The following FMNL2 variants were observed in gnomAD, a reference collection of about 807,000 sequenced individuals.
FMNL2 encodes formin-like protein 2.
FMNL2 carries 51 observed loss-of-function variants against 130.2 expected under a neutral mutation model. The ratio of observed to expected loss-of-function variants is 0.39; its 90% CI spans 0.31 to 0.49. FMNL2 has a LOEUF of 0.49. Among genes scored for constraint, FMNL2 ranks in the 20% least tolerant of loss-of-function variants. FMNL2 has a pLI of 0.85. For missense variants in FMNL2, 977 were observed against 1,316.2 expected (o/e 0.74, Z 3.99); for synonymous variants, 465 against 467.1 (o/e 1.00, Z 0.06).
intron 17 of FMNL2, 45 bp from the exon 18 acceptor site, chr2:152,628,253 AG>A: frequency 6.6e-7 from 1 of 1,505,096 alleles, no homozygotes; most frequent in African/African-American, 1.4e-5. Flanking sequence ...AAAAGGGGGT[AG>A]GAGGTTTTTC....
At chr2:152,636,956 C>T (rs1428089964) in intron 22 of FMNL2, among the ~76,000 whole-genome samples, 1 of 152,106 alleles carries the variant, frequency 6.6e-6, no homozygotes, top group Non-Finnish European at 1.5e-5. Context: ...GAAAATCTTA[C>T]ACTATACTGG....
At chr2:152,598,369 C>T (rs1697874233) in intron 9 of FMNL2, among the ~76,000 whole-genome samples, 1 of 152,142 alleles carries the variant, frequency 6.6e-6, no homozygotes, top group Non-Finnish European at 1.5e-5. Flanking sequence ...AGGCCTTTGT[C>T]ATGTAATCCT....
intron 1 of FMNL2, among the ~76,000 whole-genome samples, chr2:152,512,408 C>G (rs980040216): frequency 4.6e-5 from 7 of 152,160 alleles, no homozygotes; most frequent in Admixed American, 1.3e-4. Context: ...GATGTTGAAT[C>G]ACTAAGCCAA....
At chr2:152,392,613 T>C (rs955459204) in intron 1 of FMNL2, among the ~76,000 whole-genome samples, 1 of 152,106 alleles carries the variant, frequency 6.6e-6, no homozygotes, top group Admixed American at 6.5e-5. Context: ...AAATGCGGAG[T>C]GAAGCCTCTT....
At chr2:152,547,849 CAG>C (rs1187570235) in intron 3 of FMNL2, among the ~76,000 whole-genome samples, 1 of 152,212 alleles carries the variant, frequency 6.6e-6, no homozygotes, top group Non-Finnish European at 1.5e-5. Context: ...GTTCGTAGCA[CAG>C]ATAGTCTGGA....
chr2:152,471,273 G>C (rs971956936), intron 1 of FMNL2, among the ~76,000 whole-genome samples: 1 of 152,106 alleles, frequency 6.6e-6, no homozygotes, highest in Admixed American at 6.5e-5. Flanking sequence ...TTAACTCCTA[G>C]GTAATTTGGG....
At chr2:152,455,648 T>G (rs1688904850) in intron 1 of FMNL2, among the ~76,000 whole-genome samples, 1 of 152,230 alleles carries the variant, frequency 6.6e-6, no homozygotes, top group Non-Finnish European at 1.5e-5. Flanking sequence ...ATGACAAACA[T>G]AAGCAGGTAG....
At chr2:152,419,361 C>G (rs144362070) in intron 1 of FMNL2, among the ~76,000 whole-genome samples, 365 of 152,200 alleles carry the variant, frequency 2.4e-3, no homozygotes, top group African/African-American at 8.5e-3. Context: ...ATTTACCATG[C>G]TGTGGAATAG....
At chr2:152,395,888 G>C (rs1305771946) in intron 1 of FMNL2, among the ~76,000 whole-genome samples, 1 of 151,490 alleles carries the variant, frequency 6.6e-6, no homozygotes, top group Admixed American at 6.6e-5. Flanking sequence ...TAGAGTGGTG[G>C]GGGTGGGTGG....
chr2:152,496,363 T>C (rs1267289802), intron 1 of FMNL2, among the ~76,000 whole-genome samples: 2 of 152,210 alleles, frequency 1.3e-5, no homozygotes, highest in Non-Finnish European at 2.9e-5. Flanking sequence ...GTGTACATAT[T>C]AGTGCATTAT....
intron 1 of FMNL2, among the ~76,000 whole-genome samples, chr2:152,405,391 T>C (rs1361415761): frequency 6.6e-6 from 1 of 152,194 alleles, no homozygotes; most frequent in Non-Finnish European, 1.5e-5. Flanking sequence ...GTCAACAGAA[T>C]GACTCATGTC....
intron 1 of FMNL2, among the ~76,000 whole-genome samples, chr2:152,341,722 T>C (rs925254628): frequency 3.3e-5 from 5 of 152,222 alleles, no homozygotes; most frequent in Admixed American, 2.0e-4. Context: ...TTAGTTGACA[T>C]TGGCTTTTGA....
At position 152,632,105 on chromosome 2, in the gene FMNL2, A is replaced by G. The variant is rs1682212291; in HGVS notation, c.2648A>G (p.Asn883Ser). The change falls in exon 21 of 26, where the codon AAT becomes AGT. Residue 883 changes from asparagine to serine, a missense_variant. Asn to Ser is a conservative substitution (Grantham distance 46). Around this residue, in one of 4 missense-constraint regions of FMNL2, gnomAD observed 689 missense variants for 995.9 expected, o/e 0.69. Coordinates refer to ENST00000288670, the MANE Select transcript of FMNL2 (RefSeq NM_052905.4). The stretch of plus-strand genomic sequence containing the variant: ...TATCACCAAGTGTCCCTGTTTTATA[A>G]TGAGCTTCATTATGTGGAAAAAGCT... Reference protein sequence around the residue: ...EKYHQVSLFYNELHYVEKAAA... With the variant: ...EKYHQVSLFYSELHYVEKAAA... The G allele has an allele frequency of 6.2e-7, 1 of 1,612,912 alleles. No homozygotes were observed. The highest frequency in any genetic ancestry group is 1.7e-4 in the Middle Eastern group (1 of 6,052).
chr2:152,522,925 A>G (rs1693174072), intron 2 of FMNL2, among the ~76,000 whole-genome samples: 1 of 152,172 alleles, frequency 6.6e-6, no homozygotes, highest in African/African-American at 2.4e-5. Flanking sequence ...TAAAAATATT[A>G]CTACCAACCT....
Position 152,606,838 on chromosome 2 carries a change from G to A in FMNL2, c.877-501G>A, listed in dbSNP as rs556702008. Among the ~76,000 whole-genome samples the A allele has an allele frequency of 2.6e-5, 4 of 151,856 alleles. No homozygotes were observed. The South Asian group carries it at 8.3e-4, about 32-fold the overall frequency. The stretch of plus-strand genomic sequence containing the variant: ...TACTCACCTTAAATGGGTTAATATA[G>A]CTTCCACGGTGTCTATTTCTGTATT... On this transcript the variant is annotated intron_variant, in intron 9 of 25. Coordinates refer to ENST00000288670, the MANE Select transcript of FMNL2 (RefSeq NM_052905.4).
chr2:152,645,049 T>C (rs1247018400), intron 25 of FMNL2, among the ~76,000 whole-genome samples: 1 of 152,238 alleles, frequency 6.6e-6, no homozygotes, highest in Admixed American at 6.5e-5. Context: ...ATTGCACTTA[T>C]GTATGTTCTT....
intron 1 of FMNL2, among the ~76,000 whole-genome samples, chr2:152,477,099 G>T (rs1221535183): frequency 6.6e-6 from 1 of 152,156 alleles, no homozygotes; most frequent in Non-Finnish European, 1.5e-5. Context: ...TAACTTTACT[G>T]AAAAGATAGG....
At chr2:152,392,002 A>G (rs1685142274) in intron 1 of FMNL2, among the ~76,000 whole-genome samples, 1 of 145,960 alleles carries the variant, frequency 6.9e-6, no homozygotes, top group Admixed American at 7.0e-5. Flanking sequence ...TCCTTGATTC[A>G]TTTGCAAGAT....
chr2:152,505,681 G>A (rs1443201704), intron 1 of FMNL2, among the ~76,000 whole-genome samples: 1 of 152,126 alleles, frequency 6.6e-6, no homozygotes, highest in Non-Finnish European at 1.5e-5. Context: ...AGGACTGTGG[G>A]TTAGAAGAAG....
Sources: allele counts gnomAD v4.1 joint callset (sites outside exome capture counted in the v4.1 genomes callset), GRCh38; gene constraint gnomAD v4.1.1; regional missense constraint gnomAD v4.1.1; transcripts MANE v1.5; gene names NCBI Gene and HGNC (gene_info 2026-07-23, HGNC 2026-07-21).